The following DNAH12 variants were observed in gnomAD, a reference collection of about 807,000 sequenced individuals.
The protein encoded by DNAH12 is dynein axonemal heavy chain 12.
Under a neutral mutation model 371.5 loss-of-function variants are expected in DNAH12, and 285 were observed. The ratio of observed to expected loss-of-function variants is 0.77; its 90% confidence interval spans 0.70 to 0.85. The LOEUF (loss-of-function observed/expected upper bound fraction) is 0.85, where lower values mean the gene tolerates loss of function less well. Ranked by LOEUF, DNAH12 falls within the 40% of genes least tolerant of loss-of-function variation. The pLI is 0.00. For missense variants in DNAH12, 3,611 were observed against 3,689.4 expected, an observed-to-expected ratio of 0.98 and a Z score of 0.55; for synonymous variants, 1,200 against 1,213.0, an observed-to-expected ratio of 0.99 and a Z score of 0.22.
At chr3:57,452,585 T>C (rs970201976) in intron 25 of DNAH12, among the ~76,000 whole-genome samples, 2 of 152,344 alleles carry the variant, frequency 1.3e-5, no homozygotes, top group South Asian at 2.1e-4. Flanking sequence ...TTTCTCATTA[T>C]ATTGTCAATA....
chr3:57,516,288 T>C (rs1359170278), intron 4 of DNAH12, among the ~76,000 whole-genome samples: 1 of 152,042 alleles, frequency 6.6e-6, no homozygotes, highest in Non-Finnish European at 1.5e-5. Flanking sequence ...GGTCTCGAAC[T>C]CCTGACCTTG....
chr3:57,355,907 G>A (rs1277053783), intron 59 of DNAH12, among the ~76,000 whole-genome samples: 2 of 152,100 alleles, frequency 1.3e-5, no homozygotes, highest in Non-Finnish European at 2.9e-5. Context: ...ACCAGACATT[G>A]TTATAAACAC....
At chr3:57,421,739 A>G (rs1234302389) in intron 35 of DNAH12, 33 bp from the exon 36 acceptor site, 33 of 1,550,516 alleles carry the variant, frequency 2.1e-5, no homozygotes, top group Non-Finnish European at 1.7e-6. Context: ...ACTTATAGCA[A>G]TTATTTTAAA....
chr3:57,340,506 G>C (rs1397161687), intron 60 of DNAH12, among the ~76,000 whole-genome samples: 2 of 152,094 alleles, frequency 1.3e-5, no homozygotes, highest in African/African-American at 4.8e-5. Context: ...AAGATCATCA[G>C]AGACTATTAT....
At chr3:57,440,207 C>G (rs766344430) in intron 29 of DNAH12, among the ~76,000 whole-genome samples, 9 of 152,134 alleles carry the variant, frequency 5.9e-5, no homozygotes, top group Non-Finnish European at 1.2e-4. Flanking sequence ...AATTGTTCTA[C>G]CAAAGAGACA....
At chr3:57,375,295 A>G (rs1402461375) in intron 55 of DNAH12, 76 bp downstream of exon 55, 1 of 152,182 alleles carries the variant, frequency 6.6e-6, no homozygotes, top group Non-Finnish European at 1.5e-5. Context: ...TTATGATAAA[A>G]TTCTTTCAAC....
At chr3:57,363,050 G>A (rs1432900468) in intron 58 of DNAH12, among the ~76,000 whole-genome samples, 2 of 152,076 alleles carry the variant, frequency 1.3e-5, no homozygotes, top group Non-Finnish European at 2.9e-5. Flanking sequence ...TTTGTATAAG[G>A]TATAAGGGAG....
chr3:57,409,761 G>A (rs1278922408), intron 39 of DNAH12, among the ~76,000 whole-genome samples: 1 of 152,030 alleles, frequency 6.6e-6, no homozygotes, highest in African/African-American at 2.4e-5. Flanking sequence ...TAAAAATCAT[G>A]GCATACTGAG....
At chr3:57,338,695 T>G (rs2062304514) in intron 60 of DNAH12, among the ~76,000 whole-genome samples, 1 of 147,380 alleles carries the variant, frequency 6.8e-6, no homozygotes, top group Non-Finnish European at 1.5e-5. Context: ...GGAGCGCCTC[T>G]GCCCGGCCGC....
chr3:57,429,760 A>C lies in DNAH12; in HGVS notation c.4995T>G (p.Ser1665Arg). The C allele has an allele frequency of 6.6e-7, 1 of 1,524,382 alleles. No homozygotes were observed. The highest frequency in any genetic ancestry group is 8.8e-7 in the Non-Finnish European group (1 of 1,138,604). The allele number at this position is 1,524,382 out of a possible 1,614,324, so 94.4% of individuals were successfully genotyped here. A position where few individuals can be genotyped will look rare whatever the true frequency, so the allele number is the denominator to read the frequency against. ...GGGGGGACATCTGAATGATTTCTCCACTCATAAGGCAAAGCTAAAAGCAAT... is the reference window on the plus strand; with the variant it reads ...GGGGGGACATCTGAATGATTTCTCCCCTCATAAGGCAAAGCTAAAAGCAAT... The part of the protein sequence containing the change: ...LDDNKKLCLM[S>R]GEIIQMSPQM... Residue 1665 changes from serine to arginine, a missense_variant, in exon 33 of 74, where the codon AGT (serine) becomes AGG (arginine). Ser to Arg is a moderately radical substitution (Grantham distance 110). Transcript: ENST00000495027.
intron 60 of DNAH12, 68 bp from the exon 61 acceptor site, chr3:57,335,008 T>G: frequency 6.8e-7 from 1 of 1,473,284 alleles, no homozygotes; most frequent in South Asian, 1.4e-5. Context: ...CAACTTCCGC[T>G]TTTGTAACCT....
intron 37 of DNAH12, 113 bp downstream of exon 37, chr3:57,419,254 C>A (rs1229109452): frequency 2.8e-6 from 3 of 1,081,940 alleles, no homozygotes; most frequent in East Asian, 6.5e-5. Context: ...ACAAGTCCCC[C>A]AGGATTTCAG....
At chr3:57,509,301 T>TA in intron 5 of DNAH12, 89 bp from the exon 6 acceptor site, 1 of 1,204,178 alleles carries the variant, frequency 8.3e-7, no homozygotes, top group South Asian at 1.4e-5. Context: ...TTGGATGGTA[T>TA]AGTTTACTGT....
intron 65 of DNAH12, among the ~76,000 whole-genome samples, chr3:57,317,065 A>C (rs954115551): frequency 5.3e-5 from 8 of 152,190 alleles, no homozygotes; most frequent in African/African-American, 1.9e-4. Flanking sequence ...TATATATTTA[A>C]ACTAACTGAA....
upstream of DNAH12, among the ~76,000 whole-genome samples, chr3:57,545,803 T>C (rs984544555): frequency 6.6e-6 from 1 of 152,024 alleles, no homozygotes; most frequent in Non-Finnish European, 1.5e-5. Flanking sequence ...CTCCAGCCCA[T>C]TTGGACAAAA....
rs186755417 is a variant in DNAH12 at position 57,427,992 on chromosome 3, G to C, written c.5253+641C>G. On this transcript the variant is annotated intron_variant, in intron 34 of 73. Transcript: ENST00000495027. ...CGCCCAGGCTGGAGTGCAGTGGCGT[G>C]ATCTCGGCTCACTGCAACCTCCATC... Among the ~76,000 whole-genome samples, 13 of 151,894 alleles carry C rather than the reference G, an allele frequency of 8.6e-5. No individual in the cohort carries two copies. In the East Asian group the frequency reaches 2.3e-3, roughly 27 times the overall value.
intron 8 of DNAH12, among the ~76,000 whole-genome samples, 200 bp from the exon 9 acceptor site, chr3:57,504,404 CAT>C (rs767515636): frequency 1.0e-4 from 14 of 139,948 alleles, no homozygotes; most frequent in African/African-American, 3.0e-4. Context: ...CACACACACA[CAT>C]ATATATATAC....
intron 29 of DNAH12, among the ~76,000 whole-genome samples, chr3:57,439,438 G>A (rs1415157847): frequency 1.3e-5 from 2 of 152,140 alleles, no homozygotes; most frequent in African/African-American, 2.4e-5. Flanking sequence ...GGACAAAAGC[G>A]ATGGAGAAAA....
At chr3:57,436,131 CAGA>C in intron 30 of DNAH12, among the ~76,000 whole-genome samples, 1 of 151,938 alleles carries the variant, frequency 6.6e-6, no homozygotes, top group African/African-American at 2.4e-5. Flanking sequence ...AAAAACCAAG[CAGA>C]AGTAGATTCA....
Sources: gnomAD v4.1 joint callset for allele counts (sites outside exome capture counted in the v4.1 genomes callset) on GRCh38, gnomAD v4.1.1 for gene constraint, MANE v1.5 for transcripts, NCBI Gene and HGNC (gene_info 2026-07-23, HGNC 2026-07-21) for gene names.